Variants in VWDE observed in about 807,000 individuals in gnomAD.
VWDE encodes the protein von Willebrand factor D and EGF domains.
VWDE carries 207 observed loss-of-function variants against 178.4 expected under a neutral mutation model. That is an observed-to-expected ratio of 1.16 (90% CI 1.04 to 1.30). The LOEUF (loss-of-function observed/expected upper bound fraction) is 1.30. VWDE is among the 50% of genes most tolerant of loss of function. VWDE has a pLI of 0.00. For missense variants in VWDE, 2,287 were observed against 1,901.3 expected (o/e 1.20, Z -3.77); for synonymous variants, 738 against 651.4 (o/e 1.13, Z -2.02).
intron 3 of VWDE, 91 bp from the exon 4 acceptor site, chr7:12,383,692 T>C: frequency 7.2e-6 from 8 of 1,111,516 alleles, no homozygotes; most frequent in South Asian, 1.4e-5. Context: ...TGAAGGATGA[T>C]TTAATACAGA....
intron 24 of VWDE, among the ~76,000 whole-genome samples, chr7:12,339,397 T>C (rs750197515): frequency 9.9e-5 from 15 of 152,158 alleles, no homozygotes; most frequent in Non-Finnish European, 1.6e-4. Context: ...GATTTAACCA[T>C]AGTCTTCTAG....
chr7:12,373,991 C>T (rs986088109), intron 9 of VWDE, among the ~76,000 whole-genome samples: 1 of 152,076 alleles, frequency 6.6e-6, no homozygotes, highest in South Asian at 2.1e-4. Context: ...AATAATTTTA[C>T]TGACAATTAT....
Position 12,356,109 on chromosome 7 carries a change from A to T in VWDE, c.3745+2T>A. ...AATTTGTTATGAGGAGCAAAATCTT[A>T]CCTTTGAGCTCAGGTGGACAATCAC... On this transcript the variant is annotated splice_donor_variant, in intron 18 of 28. Transcript: ENST00000275358. LOFTEE classifies it high-confidence loss of function. 2.6e-6 allele frequency: 4 copies of T among 1,550,634 alleles called. No individual in the cohort carries two copies. The highest frequency in any genetic ancestry group is 3.5e-6 in the Non-Finnish European group (4 of 1,146,726).
chr7:12,383,577 G>A lies in VWDE; in HGVS notation c.500C>T (p.Pro167Leu). The change falls in exon 4 of 29, where the codon CCA becomes CTA. Residue 167 changes from proline to leucine, a missense_variant. By Grantham distance (98) the Pro-to-Leu change is moderately conservative. Coordinates refer to ENST00000275358, the MANE Select transcript of VWDE (RefSeq NM_001135924.3). ...TGTTTCAGTTTCATCAGAACCACAT[G>A]GGTGTAATCGTGCATCAGAAATAGC... ...AEAISDARLH[P>L]CGSDETETGG... The A allele has an allele frequency of 6.4e-7, 1 of 1,550,474 alleles. No homozygotes were observed. Among genetic ancestry groups the A allele is most frequent in the Non-Finnish European group, 8.7e-7 (1 of 1,145,994 alleles).
intron 18 of VWDE, among the ~76,000 whole-genome samples, chr7:12,352,878 A>G (rs1045279040): frequency 6.6e-6 from 1 of 152,174 alleles, no homozygotes; most frequent in African/African-American, 2.4e-5. Context: ...GTTGATGCCC[A>G]CCAATTTTTT....
rs1783166466 is a variant in VWDE, at chr7:12,370,970, T to C, written c.1588-106A>G. On this transcript the variant is annotated intron_variant, in intron 10 of 28. Coordinates refer to ENST00000275358, the MANE Select transcript of VWDE (RefSeq NM_001135924.3). ...AAATAAGAAATAGTTATTCCCTCAA[T>C]ATAAAAAAAGAATAAAATACTGATT... 5.7e-6 allele frequency: 5 copies of C among 876,782 alleles called. No individual in the cohort carries two copies. The South Asian group carries it at 1.5e-4, about 26-fold the overall frequency. The allele number at this position is 876,782 out of a possible 1,614,324, so 54.3% of individuals were successfully genotyped here.
At chr7:12,381,823 C>T (rs557339398) in intron 4 of VWDE, among the ~76,000 whole-genome samples, 3 of 151,664 alleles carry the variant, frequency 2.0e-5, no homozygotes, top group Middle Eastern at 3.4e-3. Context: ...CAGGGAAAAG[C>T]TATCTATGGA....
chr7:12,384,567 G>A (rs569225366), intron 3 of VWDE, among the ~76,000 whole-genome samples: 2 of 152,176 alleles, frequency 1.3e-5, no homozygotes, highest in Admixed American at 6.5e-5. Context: ...GGGGGACGTC[G>A]ACAATGGGGT....
chr7:12,380,284 T>C (rs995828677), intron 5 of VWDE, among the ~76,000 whole-genome samples: 1 of 151,176 alleles, frequency 6.6e-6, no homozygotes, highest in African/African-American at 2.4e-5. Context: ...TAAAATGATA[T>C]ATTCATATAT....
At chr7:12,394,913 AG>A (rs1784553783) in intron 1 of VWDE, among the ~76,000 whole-genome samples, 1 of 152,120 alleles carries the variant, frequency 6.6e-6, no homozygotes, top group South Asian at 2.1e-4. Flanking sequence ...AACTTTAATA[AG>A]GAGAACAAAA....
chr7:12,399,413 A>C (rs1784792593), intron 1 of VWDE, among the ~76,000 whole-genome samples: 1 of 152,176 alleles, frequency 6.6e-6, no homozygotes, highest in Admixed American at 6.5e-5. Context: ...CTAATAACAG[A>C]GCACTGAAAT....
intron 21 of VWDE, among the ~76,000 whole-genome samples, chr7:12,343,802 T>C (rs73294373): frequency 0.019 from 2,840 of 152,308 alleles, 82 homozygotes; most frequent in African/African-American, 0.064. Context: ...TTTAGGTTTC[T>C]TCTTACTACT....
chr7:12,402,306 C>T (rs904192193), intron 1 of VWDE, among the ~76,000 whole-genome samples: 10 of 152,140 alleles, frequency 6.6e-5, no homozygotes, highest in African/African-American at 2.4e-4. Flanking sequence ...TAGAGTCGCA[C>T]ACTTTGAGTG....
rs1780846919 is a variant in VWDE, at chr7:12,333,503, T to G, written c.4720A>C (p.Thr1574Pro). 2 of 1,551,124 alleles carry G rather than the reference T, an allele frequency of 1.3e-6. No individual in the cohort carries two copies. Among genetic ancestry groups the G allele is most frequent in the Non-Finnish European group, 1.7e-6 (2 of 1,146,660 alleles). Residue 1574 changes from threonine to proline, a missense_variant, in exon 28 of 29, where the codon ACT becomes CCT. Thr to Pro is a conservative substitution (Grantham distance 38, BLOSUM62 -1). Coordinates refer to ENST00000275358, the MANE Select transcript of VWDE (RefSeq NM_001135924.3). Reference sequence around the variant, plus strand: ...TCACATTTGACTCCAGAGTATTCAGTGCGGCAGGAACACACATTGGGAAAT... The same window carrying G: ...TCACATTTGACTCCAGAGTATTCAGGGCGGCAGGAACACACATTGGGAAAT... ...CIFPNVCSCR[T>P]EYSGVKCEKK...
At chr7:12,333,396 A>G in intron 28 of VWDE, 69 bp downstream of exon 28, 1 of 880,824 alleles carries the variant, frequency 1.1e-6, no homozygotes, top group Non-Finnish European at 1.7e-6. Context: ...ATTAGTAACA[A>G]TTACTAAGTA....
At chr7:12,339,273 G>C (rs1781200864) in intron 24 of VWDE, among the ~76,000 whole-genome samples, 1 of 152,098 alleles carries the variant, frequency 6.6e-6, no homozygotes, top group African/African-American at 2.4e-5. Flanking sequence ...ATACATTTTA[G>C]AGAACTTTTC....
Position 12,336,096 on chromosome 7 carries a change from T to C in VWDE, c.4654+45A>G, listed in dbSNP as rs1562457588. 3.4e-6 allele frequency: 5 copies of C among 1,475,880 alleles called. No individual in the cohort carries two copies. In the Admixed American group the frequency reaches 6.2e-5, roughly 18 times the overall value. The allele number at this position is 1,475,880 out of a possible 1,614,324, so 91.4% of individuals were successfully genotyped here. A position where few individuals can be genotyped will look rare whatever the true frequency, so the allele number is the denominator to read the frequency against. On this transcript the variant is annotated intron_variant, in intron 27 of 28. Coordinates refer to ENST00000275358, the MANE Select transcript of VWDE (RefSeq NM_001135924.3). ...GCTATACTTTAATTATTATAACAGA[T>C]TCCAATTCAGAACATATAGTAGGAA...
chr7:12,332,173 T>C (rs1209041455), intron 28 of VWDE, among the ~76,000 whole-genome samples: 2 of 106,490 alleles, frequency 1.9e-5, no homozygotes, highest in Non-Finnish European at 3.6e-5. Context: ...GACAAAGAAA[T>C]ATCGAAAGCA....
In VWDE at chr7:12,373,163, G is replaced by A. The variant is rs1217919408; in HGVS notation, c.1401C>T (p.Asp467=). The change falls in exon 10 of 29, where the codon GAC becomes GAT. Residue 467 remains aspartate (D), a synonymous_variant. Transcript: ENST00000275358. ...RDFEVHVRQW[D]CRSLHYPVSC... is the part of the protein sequence containing the mutation. ...ACACTGGATAGTGAAGGCTTCTGCAGTCCCACTGACGTACATGGACTTCAA... is the reference window on the plus strand; with the variant it reads ...ACACTGGATAGTGAAGGCTTCTGCAATCCCACTGACGTACATGGACTTCAA... The A allele has an allele frequency of 6.4e-6, 10 of 1,551,310 alleles. No homozygotes were observed. The highest frequency in any genetic ancestry group is 5.9e-5 in the Admixed American group (3 of 50,964).
Sources: gnomAD v4.1 joint callset for allele counts (sites outside exome capture counted in the v4.1 genomes callset) on GRCh38, gnomAD v4.1.1 for gene constraint, MANE v1.5 for transcripts, NCBI Gene and HGNC (gene_info 2026-07-23, HGNC 2026-07-21) for gene names.